NEK10: variants seen among roughly 807,000 people sequenced by gnomAD.
NEK10 encodes the protein serine/threonine-protein kinase Nek10.
NEK10 carries 122 observed loss-of-function variants against 159.8 expected under a neutral mutation model. The observed-to-expected ratio is 0.76, with a 90% CI of 0.66 to 0.89. The LOEUF is 0.89. NEK10 is among the 40% of genes least tolerant of loss of function. The pLI, the probability that NEK10 is intolerant of heterozygous loss-of-function variation, is 0.00. For synonymous variants in NEK10, 466 were observed against 457.1 expected, an observed-to-expected ratio of 1.02 and a Z score of -0.25; for missense variants, 1,342 against 1,323.1, an observed-to-expected ratio of 1.01 and a Z score of -0.22.
At chr3:27,264,104 A>G (rs1484770918) in intron 22 of NEK10, among the ~76,000 whole-genome samples, 1 of 152,208 alleles carries the variant, frequency 6.6e-6, no homozygotes, top group Non-Finnish European at 1.5e-5. Flanking sequence ...AGAAATTAAC[A>G]AAGTGAGATA....
chr3:27,314,422 T>A (rs936966632), intron 6 of NEK10, 84 bp from the exon 7 acceptor site: 4 of 810,042 alleles, frequency 4.9e-6, no homozygotes, highest in Non-Finnish European at 8.4e-6. Flanking sequence ...CTTTACTAAG[T>A]TGTCATATTT....
rs747549669 is a variant in NEK10 at position 27,287,739 on chromosome 3, T to G, written c.1748A>C (p.Tyr583Ser). The G allele has an allele frequency of 6.4e-7, 1 of 1,560,416 alleles. No individual in the cohort carries two copies. The highest frequency in any genetic ancestry group is 1.4e-5 in the African/African-American group (1 of 71,366). Reference sequence around the variant, plus strand: ...GTAATAACGTACAATGTTGGGATGATAAAGCTATAAGAAAATAAATAACAA... The same window carrying G: ...GTAATAACGTACAATGTTGGGATGAGAAAGCTATAAGAAAATAAATAACAA... ...SELTIIKEQL[Y>S]HPNIVRYYKT... is the part of the protein sequence containing the mutation. Residue 583 changes from tyrosine (Y) to serine (S), a missense_variant, in exon 20 of 36, where the codon TAT becomes TCT. Tyr to Ser is a moderately radical substitution (Grantham distance 144). Coordinates refer to ENST00000691995, the MANE Select transcript of NEK10 (RefSeq NM_001394966.1).
intron 22 of NEK10, among the ~76,000 whole-genome samples, chr3:27,283,678 A>G (rs2042365773): frequency 6.6e-6 from 1 of 152,230 alleles, no homozygotes; most frequent in Non-Finnish European, 1.5e-5. Context: ...ATGAGTAAGA[A>G]TTCAACAACT....
At chr3:27,189,494 G>GTAAC in intron 26 of NEK10, among the ~76,000 whole-genome samples, 1 of 152,050 alleles carries the variant, frequency 6.6e-6, no homozygotes, top group Non-Finnish European at 1.5e-5. Context: ...ACTGGATTGT[G>GTAAC]TAACTGCATT....
At chr3:27,346,308 A>AT (rs1049073007) in intron 3 of NEK10, 92 bp from the exon 4 acceptor site, 104 of 1,363,554 alleles carry the variant, frequency 7.6e-5, no homozygotes, top group Non-Finnish European at 1.0e-4. Context: ...AGAGACTGAG[A>AT]TTTTTTCCAG....
intron 23 of NEK10, chr3:27,216,436 G>A (rs1217279514): frequency 6.6e-6 from 1 of 152,232 alleles, no homozygotes; most frequent in African/African-American, 2.4e-5. Flanking sequence ...ACTTTTACTA[G>A]TATATATGCC....
At chr3:27,182,448 T>C (rs894985779) in intron 26 of NEK10, among the ~76,000 whole-genome samples, 27 of 151,876 alleles carry the variant, frequency 1.8e-4, no homozygotes, top group Non-Finnish European at 5.9e-5. Flanking sequence ...CAGAATAGAG[T>C]TCAGAAATAG....
At chr3:27,343,991 C>T (rs1430228688) in intron 5 of NEK10, among the ~76,000 whole-genome samples, 1 of 152,124 alleles carries the variant, frequency 6.6e-6, no homozygotes, top group East Asian at 1.9e-4. Context: ...CATAAGGTCC[C>T]ACACAATAAA....
At chr3:27,243,836 T>A (rs1380248131) in intron 23 of NEK10, among the ~76,000 whole-genome samples, 1 of 64,354 alleles carries the variant, frequency 1.6e-5, no homozygotes, top group Non-Finnish European at 4.3e-5. Context: ...CATGGGTGTG[T>A]GTGTGTGTGT....
intron 16 of NEK10, among the ~76,000 whole-genome samples, chr3:27,292,775 A>G (rs982280423): frequency 6.6e-6 from 1 of 151,964 alleles, no homozygotes; most frequent in African/African-American, 2.4e-5. Flanking sequence ...GTCAAAAAAA[A>G]AAAAAAAAAA....
chr3:27,117,975 A>G (rs895177373), intron 33 of NEK10, among the ~76,000 whole-genome samples: 1 of 152,144 alleles, frequency 6.6e-6, no homozygotes, highest in African/African-American at 2.4e-5. Context: ...TCTTTAATCC[A>G]TCTTGAATTA....
intron 2 of NEK10, 43 bp downstream of exon 2, chr3:27,352,769 A>G (rs1490783087): frequency 3.0e-6 from 4 of 1,338,212 alleles, no homozygotes; most frequent in Non-Finnish European, 4.3e-6. Flanking sequence ...TTCAATGGCC[A>G]CTGCCTGAGT....
intron 23 of NEK10, among the ~76,000 whole-genome samples, chr3:27,221,659 G>A (rs1268582879): frequency 2.0e-5 from 3 of 152,156 alleles, no homozygotes; most frequent in African/African-American, 7.2e-5. Flanking sequence ...GGCTTTGCCC[G>A]GCAGACCTCA....
chr3:27,180,325 G>T (rs1349017554), intron 26 of NEK10, among the ~76,000 whole-genome samples: 1 of 151,650 alleles, frequency 6.6e-6, no homozygotes, highest in Non-Finnish European at 1.5e-5. Context: ...AACATGGGAG[G>T]TGGAGGTTGC....
chr3:27,364,554 A>G (rs2149900355), intron 1 of NEK10, among the ~76,000 whole-genome samples: 1 of 152,308 alleles, frequency 6.6e-6, no homozygotes, highest in South Asian at 2.1e-4. Flanking sequence ...TCATTTGTCT[A>G]TATTCATTGA....
chr3:27,172,770 T>C (rs1336762802), intron 28 of NEK10, among the ~76,000 whole-genome samples: 1 of 151,970 alleles, frequency 6.6e-6, no homozygotes, highest in Non-Finnish European at 1.5e-5. Context: ...TCAGAAAAAA[T>C]TTTAAATAAG....
At chr3:27,324,321 T>C (rs2045864057) in intron 5 of NEK10, among the ~76,000 whole-genome samples, 1 of 152,212 alleles carries the variant, frequency 6.6e-6, no homozygotes, top group Admixed American at 6.5e-5. Context: ...TTGAGGATAC[T>C]TGTACCCAAA....
chr3:27,172,338 A>G (rs1031440449), intron 28 of NEK10, among the ~76,000 whole-genome samples: 51 of 136,576 alleles, frequency 3.7e-4, no homozygotes, highest in African/African-American at 1.3e-3. Context: ...CGTCTCAAAA[A>G]AAAAAAAAAA....
chr3:27,192,880 G>A (rs1448094528), intron 25 of NEK10, among the ~76,000 whole-genome samples: 4 of 152,044 alleles, frequency 2.6e-5, no homozygotes, highest in Non-Finnish European at 5.9e-5. Context: ...ACTGGAAAAG[G>A]CACCACAAAG....
Sources: allele counts gnomAD v4.1 joint callset (sites outside exome capture counted in the v4.1 genomes callset), GRCh38; gene constraint gnomAD v4.1.1; transcripts MANE v1.5; gene names NCBI Gene and HGNC (gene_info 2026-07-23, HGNC 2026-07-21).